WWOX: variants seen among roughly 807,000 people sequenced by gnomAD.
WWOX encodes the protein WW domain containing oxidoreductase, also known as WW domain-containing oxidoreductase.
WWOX carries 69 observed loss-of-function variants against 46.2 expected under a neutral mutation model. That is an observed-to-expected ratio of 1.49 (90% CI 1.23 to 1.82). The LOEUF is 1.82. Ranked by LOEUF, WWOX falls within the 40% of genes most tolerant of loss-of-function variation. The probability of loss-of-function intolerance (pLI) is 0.00; values close to 1 mark genes in which losing one functional copy is unlikely to be tolerated. For synonymous variants in WWOX, 359 were observed against 202.6 expected, an observed-to-expected ratio of 1.77 and a Z score of -6.56; for missense variants, 919 against 542.6, an observed-to-expected ratio of 1.69 and a Z score of -6.89.
At chr16:79,189,862 T>A (rs2051097416) in intron 8 of WWOX, among the ~76,000 whole-genome samples, 1 of 149,254 alleles carries the variant, frequency 6.7e-6, no homozygotes, top group South Asian at 2.2e-4. Context: ...AGTAGGTAGT[T>A]TAACTCCTTA....
At chr16:78,594,128 T>A (rs1394930145) in intron 8 of WWOX, among the ~76,000 whole-genome samples, 1 of 152,120 alleles carries the variant, frequency 6.6e-6, no homozygotes, top group Non-Finnish European at 1.5e-5. Flanking sequence ...CAACTCCTCC[T>A]CCTGGCTTAT....
chr16:78,802,930 A>C lies in WWOX; in HGVS notation c.1056+370178A>C, dbSNP rs1274401352. Among the ~76,000 whole-genome samples the C allele has an allele frequency of 4.5e-4, 53 of 117,908 alleles. 4 individuals are homozygous for C. In the East Asian group the frequency reaches 0.011, roughly 24 times the overall value. 77.4% of individuals were successfully genotyped at this position (117,908 alleles called of 152,430 possible). ...GACTTCATCTGAAAAAAAAAAAAAA[A>C]AAAAAAAAAAAACAACAAACAGAAA... On this transcript the variant is annotated intron_variant, in intron 8 of 8. Coordinates refer to ENST00000566780, the MANE Select transcript of WWOX (RefSeq NM_016373.4).
At chr16:78,506,361 C>T (rs774782014) in intron 8 of WWOX, 2 of 152,198 alleles carry the variant, frequency 1.3e-5, no homozygotes, top group East Asian at 1.9e-4. Flanking sequence ...GAGCAGAGCT[C>T]GAGTGCTTAT....
intron 5 of WWOX, among the ~76,000 whole-genome samples, chr16:78,185,177 G>A (rs1343624781): frequency 6.6e-6 from 1 of 152,196 alleles, no homozygotes; most frequent in African/African-American, 2.4e-5. Context: ...CCCACCATAT[G>A]TGCATAGAGG....
At chr16:78,431,047 G>A (rs1394869337) in intron 7 of WWOX, among the ~76,000 whole-genome samples, 1 of 152,140 alleles carries the variant, frequency 6.6e-6, no homozygotes, top group African/African-American at 2.4e-5. Context: ...GAATATGAGG[G>A]GTCCTTTGAC....
At chr16:78,884,028 C>G (rs573700505) in intron 8 of WWOX, among the ~76,000 whole-genome samples, 26 of 152,048 alleles carry the variant, frequency 1.7e-4, no homozygotes, top group African/African-American at 5.3e-4. Context: ...CCTGTAATTC[C>G]AGCACTTTGG....
At chr16:78,748,233 A>G (rs2049396035) in intron 8 of WWOX, among the ~76,000 whole-genome samples, 1 of 152,218 alleles carries the variant, frequency 6.6e-6, no homozygotes, top group Admixed American at 6.5e-5. Context: ...TATCTGATGA[A>G]TGAATGAATG....
intron 5 of WWOX, among the ~76,000 whole-genome samples, chr16:78,177,626 C>A (rs532512014): frequency 6.6e-6 from 1 of 152,238 alleles, no homozygotes; most frequent in South Asian, 2.1e-4. Flanking sequence ...GCAGGCAGCT[C>A]CTCTATGAGG....
At chr16:78,950,791 T>C (rs1365285514) in intron 8 of WWOX, among the ~76,000 whole-genome samples, 1 of 152,154 alleles carries the variant, frequency 6.6e-6, no homozygotes, top group Non-Finnish European at 1.5e-5. Flanking sequence ...CCTAGGACTT[T>C]GGAAAACTTG....
intron 5 of WWOX, among the ~76,000 whole-genome samples, chr16:78,373,789 A>T (rs115428184): frequency 0.012 from 1,880 of 152,206 alleles, 37 homozygotes; most frequent in African/African-American, 0.043. Context: ...TTTTCTGAGC[A>T]TATATATGTA....
In WWOX at chr16:79,047,001, A is replaced by C. The variant is rs533506269; in HGVS notation, c.1057-164607A>C. 2.1e-4 allele frequency among the ~76,000 whole-genome samples: 32 copies of C among 152,336 alleles called. No individual in the cohort carries two copies. The South Asian group carries it at 6.6e-3, about 32-fold the overall frequency. On this transcript the variant is annotated intron_variant, in intron 8 of 8. Coordinates refer to ENST00000566780, the MANE Select transcript of WWOX (RefSeq NM_016373.4). Reference sequence around the variant, plus strand: ...TACCTGACCCCGTGGTTTAAACAATAAAGCAACTGACCTTTTATCAGAAAT... The same window carrying C: ...TACCTGACCCCGTGGTTTAAACAATCAAGCAACTGACCTTTTATCAGAAAT...
intron 8 of WWOX, among the ~76,000 whole-genome samples, chr16:78,886,725 T>A (rs1163666723): frequency 6.6e-6 from 1 of 151,394 alleles, no homozygotes; most frequent in Non-Finnish European, 1.5e-5. Context: ...AAAGAATATG[T>A]CTAAAAGAAA....
chr16:78,640,676 C>T lies in WWOX; in HGVS notation c.1056+207924C>T, dbSNP rs143506743. Among the ~76,000 whole-genome samples the T allele has an allele frequency of 2.6e-5, 4 of 152,250 alleles. No individual in the cohort carries two copies. The East Asian group carries it at 5.8e-4, about 22-fold the overall frequency. ...AGAAGGGGCCGGGCATGGTGGCTCA[C>T]GCCTGTAATCCTAACATTTTGGGAG... On this transcript the variant is annotated intron_variant, in intron 8 of 8. Transcript: ENST00000566780.
In WWOX at chr16:79,140,645, G is replaced by A. The variant is rs541831602; in HGVS notation, c.1057-70963G>A. Among the ~76,000 whole-genome samples the A allele has an allele frequency of 3.9e-5, 6 of 152,330 alleles. No homozygotes were observed. The East Asian group carries it at 7.7e-4, about 20-fold the overall frequency. Reference sequence around the variant, plus strand: ...AGGTGGTAATTAAGAAGCAAGAAGCGCTGCTCCCAATTCTCTAGATCTGGA... The same window carrying A: ...AGGTGGTAATTAAGAAGCAAGAAGCACTGCTCCCAATTCTCTAGATCTGGA... On this transcript the variant is annotated intron_variant, in intron 8 of 8. Transcript: ENST00000566780.
chr16:78,937,601 CTTTA>C (rs10691593), intron 8 of WWOX, among the ~76,000 whole-genome samples: 8,825 of 142,182 alleles, frequency 0.062, 326 homozygotes, highest in East Asian at 0.083. Flanking sequence ...AGCTATAGAG[CTTTA>C]TTTATTTATT....
intron 8 of WWOX, among the ~76,000 whole-genome samples, chr16:78,952,193 T>C (rs567840335): frequency 1.7e-4 from 26 of 152,148 alleles, no homozygotes; most frequent in African/African-American, 6.0e-4. Context: ...CAGCAGGGCT[T>C]TTGCACATGC....
chr16:78,771,757 G>A (rs1488413547), intron 8 of WWOX, among the ~76,000 whole-genome samples: 1 of 146,366 alleles, frequency 6.8e-6, no homozygotes, highest in Admixed American at 7.1e-5. Flanking sequence ...GGGCAACAGA[G>A]TAAGACTCTG....
intron 5 of WWOX, among the ~76,000 whole-genome samples, chr16:78,336,935 T>C (rs749849898): frequency 1.3e-5 from 2 of 152,016 alleles, no homozygotes; most frequent in African/African-American, 2.4e-5. Flanking sequence ...CCCGCCACCA[T>C]GCCCGGCTAA....
chr16:78,613,326 C>A (rs1188797826), intron 8 of WWOX, among the ~76,000 whole-genome samples: 4 of 152,106 alleles, frequency 2.6e-5, no homozygotes, highest in Non-Finnish European at 5.9e-5. Flanking sequence ...TCCTTGAAGT[C>A]CCGATGCGTG....
Sources: allele counts gnomAD v4.1 joint callset (sites outside exome capture counted in the v4.1 genomes callset), GRCh38; gene constraint gnomAD v4.1.1; transcripts MANE v1.5; gene names NCBI Gene and HGNC (gene_info 2026-07-23, HGNC 2026-07-21).